ALDH8A1: variants seen among roughly 807,000 people sequenced by gnomAD.
ALDH8A1 encodes aldehyde dehydrogenase 8 family member A1.
ALDH8A1 carries 39 observed loss-of-function variants against 43.3 expected under a neutral mutation model. The observed-to-expected ratio is 0.90, with a 90% CI of 0.70 to 1.18. ALDH8A1 has a LOEUF of 1.18. ALDH8A1 is among the 50% of genes most tolerant of loss of function. ALDH8A1 has a pLI of 0.00. For synonymous variants in ALDH8A1, 233 were observed against 243.5 expected (o/e 0.96, Z 0.40); for missense variants, 605 against 622.6 (o/e 0.97, Z 0.30).
intron 4 of ALDH8A1, among the ~76,000 whole-genome samples, chr6:134,933,389 G>A (rs1773662871): frequency 6.6e-6 from 1 of 152,202 alleles, no homozygotes. Flanking sequence ...TAGGGGAGCA[G>A]CACCCTGCTC....
chr6:134,928,975 C>T, intron 6 of ALDH8A1, 79 bp downstream of exon 6: 1 of 1,470,340 alleles, frequency 6.8e-7, no homozygotes, highest in Non-Finnish European at 9.2e-7. Flanking sequence ...ATTTCAGAGT[C>T]TGATTGTGCT....
chr6:134,943,673 G>A, intron 2 of ALDH8A1, 146 bp downstream of exon 2: 1 of 1,279,816 alleles, frequency 7.8e-7, no homozygotes, highest in South Asian at 1.6e-5. Context: ...GGCCTTCCCA[G>A]GCCTGGAGCA....
At chr6:134,937,826 A>C (rs909664129) in intron 4 of ALDH8A1, among the ~76,000 whole-genome samples, 2 of 152,184 alleles carry the variant, frequency 1.3e-5, no homozygotes, top group African/African-American at 4.8e-5. Context: ...GAACATGGGA[A>C]GGGTCGGCAC....
intron 5 of ALDH8A1, among the ~76,000 whole-genome samples, chr6:134,932,281 G>A (rs558946199): frequency 2.0e-5 from 3 of 152,294 alleles, no homozygotes; most frequent in South Asian, 2.1e-4. Flanking sequence ...GAGCTACAAC[G>A]ATGCCCTGAA....
Position 134,918,389 on chromosome 6 carries a change from C to A in ALDH8A1, c.*26G>T. On this transcript the variant is annotated 3_prime_UTR_variant, in exon 7 of 7. Transcript: ENST00000265605. ...CTGATGCCTGCAGCCAGGCATTGGC[C>A]ATAGTGGCTCCACCATTAGCAAAGA... The A allele has an allele frequency of 6.2e-7, 1 of 1,601,748 alleles. No individual in the cohort carries two copies. The highest frequency in any genetic ancestry group is 1.1e-5 in the South Asian group (1 of 89,998).
chr6:134,940,463 A>G (rs1773834661), intron 3 of ALDH8A1, among the ~76,000 whole-genome samples: 1 of 152,202 alleles, frequency 6.6e-6, no homozygotes, highest in Admixed American at 6.5e-5. Flanking sequence ...ATAGGGGCCA[A>G]TGAGTTCTGA....
intron 6 of ALDH8A1, among the ~76,000 whole-genome samples, chr6:134,924,025 A>G (rs1458929031): frequency 6.6e-6 from 1 of 152,226 alleles, no homozygotes. Context: ...CTGCATGCAC[A>G]GCTTGGACCT....
At chr6:134,945,683 T>C (rs1773937301) in intron 1 of ALDH8A1, among the ~76,000 whole-genome samples, 1 of 152,170 alleles carries the variant, frequency 6.6e-6, no homozygotes, top group Non-Finnish European at 1.5e-5. Flanking sequence ...CTCAGAATCC[T>C]TTTCCATAGG....
Position 134,932,806 on chromosome 6 carries a change from C to T in ALDH8A1, c.819G>A (p.Pro273=), listed in dbSNP as rs531254486. 1.2e-5 allele frequency: 19 copies of T among 1,614,178 alleles called. No homozygotes were observed. In the East Asian group the frequency reaches 1.6e-4, roughly 13 times the overall value. Residue 273 remains proline, a synonymous_variant, in exon 5 of 7, where the codon CCG becomes CCA. Transcript: ENST00000265605. ...FEDANLDECI[P]ATVRSSFANQ... Reference sequence around the variant, plus strand: ...TGGCAAAGCTGGACCTGACGGTTGCCGGAATGCACTCATCCAGGTTGGCGT... The same window carrying T: ...TGGCAAAGCTGGACCTGACGGTTGCTGGAATGCACTCATCCAGGTTGGCGT...
chr6:134,918,962 G>T, intron 6 of ALDH8A1, 95 bp from the exon 7 acceptor site: 1 of 1,352,188 alleles, frequency 7.4e-7, no homozygotes, highest in Non-Finnish European at 1.0e-6. Flanking sequence ...CTCGGAAGGA[G>T]GGATAAGGTC....
intron 6 of ALDH8A1, among the ~76,000 whole-genome samples, chr6:134,927,589 T>G (rs532801362): frequency 6.6e-6 from 1 of 152,304 alleles, no homozygotes; most frequent in South Asian, 2.1e-4. Flanking sequence ...GTTTCACTAA[T>G]ATATATTCTC....
At chr6:134,936,269 A>G (rs1773736048) in intron 4 of ALDH8A1, among the ~76,000 whole-genome samples, 1 of 152,166 alleles carries the variant, frequency 6.6e-6, no homozygotes, top group African/African-American at 2.4e-5. Flanking sequence ...ACTTCTAAGC[A>G]TTGCATCTCT....
intron 6 of ALDH8A1, among the ~76,000 whole-genome samples, chr6:134,920,649 G>A (rs993086407): frequency 1.3e-5 from 2 of 152,048 alleles, no homozygotes; most frequent in African/African-American, 2.4e-5. Flanking sequence ...AATATATAAG[G>A]TGACTCACAC....
At position 134,932,838 on chromosome 6, in the gene ALDH8A1, A is replaced by T; in HGVS notation, c.787T>A (p.Phe263Ile). Reference protein sequence around the residue: ...ELGGKNPAIIFEDANLDECIP... With the variant: ...ELGGKNPAIIIEDANLDECIP... ...CACTCATCCAGGTTGGCGTCCTCAA[A>T]GATGATGGCAGGATTCTTGCCCCCC... The change falls in exon 5 of 7, where the codon TTT becomes ATT. Residue 263 changes from phenylalanine (F) to isoleucine (I), a missense_variant. Phe to Ile is a conservative substitution (Grantham distance 21). Transcript: ENST00000265605. The T allele has an allele frequency of 6.2e-7, 1 of 1,614,226 alleles. No individual in the cohort carries two copies. The highest frequency in any genetic ancestry group is 8.5e-7 in the Non-Finnish European group (1 of 1,180,034).
chr6:134,921,922 A>G (rs1305122163), intron 6 of ALDH8A1, among the ~76,000 whole-genome samples: 2 of 152,216 alleles, frequency 1.3e-5, no homozygotes, highest in Non-Finnish European at 2.9e-5. Flanking sequence ...ACATTTCTCT[A>G]GGCGTTTCTA....
chr6:134,948,330 G>A (rs747590418), intron 1 of ALDH8A1, among the ~76,000 whole-genome samples: 1 of 152,044 alleles, frequency 6.6e-6, no homozygotes, highest in Non-Finnish European at 1.5e-5. Context: ...AGTGACAATA[G>A]TTAACAATAA....
intron 3 of ALDH8A1, chr6:134,940,148 T>C (rs1478788186): frequency 1.5e-5 from 5 of 338,288 alleles, no homozygotes; most frequent in South Asian, 2.3e-5. Context: ...GATGGGTTGA[T>C]AGGTGCAGCA....
At chr6:134,947,401 G>T (rs1222484158) in intron 1 of ALDH8A1, among the ~76,000 whole-genome samples, 3 of 152,086 alleles carry the variant, frequency 2.0e-5, no homozygotes, top group Admixed American at 2.0e-4. Context: ...AAGCTAAAAA[G>T]CTTCTGCACA....
At chr6:134,944,009 A>G (rs1318122294) in intron 1 of ALDH8A1, 43 bp from the exon 2 acceptor site, 1 of 1,581,874 alleles carries the variant, frequency 6.3e-7, no homozygotes, top group East Asian at 2.3e-5. Context: ...TAAAGCTGTT[A>G]GTCCTTGGGG....
Sources: gnomAD v4.1 joint callset for allele counts (sites outside exome capture counted in the v4.1 genomes callset) on GRCh38, gnomAD v4.1.1 for gene constraint, MANE v1.5 for transcripts, NCBI Gene and HGNC (gene_info 2026-07-23, HGNC 2026-07-21) for gene names.